Variants in WBP2 observed in about 807,000 individuals in gnomAD.
The protein encoded by WBP2 is WW domain binding protein 2.
A neutral mutation model predicts 33.0 loss-of-function variants in WBP2; 23 were observed. The observed-to-expected ratio is 0.70, with a 90% CI of 0.50 to 0.99. The LOEUF (loss-of-function observed/expected upper bound fraction) is 0.99. Among genes scored for constraint, WBP2 ranks in the 50% least tolerant of loss-of-function variants. WBP2 has a pLI of 0.00. For synonymous variants in WBP2, 153 were observed against 133.5 expected, an observed-to-expected ratio of 1.15 and a Z score of -1.01; for missense variants, 353 against 358.0, an observed-to-expected ratio of 0.99 and a Z score of 0.11.
In WBP2 at chr17:75,846,654, C is replaced by G; in HGVS notation, c.*80G>C. ...TGGAGGGAGAACAAGGCGCCCCCTCCCCTCCCCAAGCCCCAGCACAGCCCC... is the reference window on the plus strand; with the variant it reads ...TGGAGGGAGAACAAGGCGCCCCCTCGCCTCCCCAAGCCCCAGCACAGCCCC... On this transcript the variant is annotated 3_prime_UTR_variant, in exon 8 of 8. Coordinates refer to ENST00000254806, the MANE Select transcript of WBP2 (RefSeq NM_012478.4). This position sits in a 1 kb window ranked among gnomAD's most constrained non-coding sequence, Gnocchi z 4.8. 1 of 1,467,340 alleles carries G rather than the reference C, an allele frequency of 6.8e-7. No homozygotes were observed. 90.9% of individuals were successfully genotyped at this position (1,467,340 alleles called of 1,614,324 possible). A position where few individuals can be genotyped will look rare whatever the true frequency, so the allele number is the denominator to read the frequency against.
rs2065027477 is a variant in WBP2 at position 75,851,558 on chromosome 17, T to C, written c.168+10A>G. 2 of 1,605,350 alleles carry C rather than the reference T, an allele frequency of 1.2e-6. No homozygotes were observed. Among genetic ancestry groups the C allele is most frequent in the Non-Finnish European group, 1.7e-6 (2 of 1,172,328 alleles). ...AGCCTCTCAACCAACTGCCCTGCTG[T>C]GCAACTCACCCGGTAAGGGGTAAGG... is the stretch of plus-strand genomic sequence containing the variant. On this transcript the variant is annotated intron_variant, in intron 2 of 7. Coordinates refer to ENST00000254806, the MANE Select transcript of WBP2 (RefSeq NM_012478.4).
At position 75,846,483 on chromosome 17, in the gene WBP2, C is replaced by G. The variant is rs2064992272; in HGVS notation, c.*251G>C. The G allele has an allele frequency of 1.8e-6, 1 of 564,672 alleles. No homozygotes were observed. Among genetic ancestry groups the G allele is most frequent in the East Asian group, 3.1e-5 (1 of 32,166 alleles). 35.0% of individuals were successfully genotyped at this position (564,672 alleles called of 1,614,324 possible). On this transcript the variant is annotated 3_prime_UTR_variant, in exon 8 of 8. Coordinates refer to ENST00000254806, the MANE Select transcript of WBP2 (RefSeq NM_012478.4). This position sits in a 1 kb window ranked among gnomAD's most constrained non-coding sequence, Gnocchi z 4.8. ...AGGAACAGGGGATGCTCCGTGCTCC[C>G]AGAAGAGCCCCAGACGGTGAGGGAG...
In WBP2 at chr17:75,846,969, G is replaced by A. The variant is rs1555604549; in HGVS notation, c.671C>T (p.Ala224Val). 1 of 1,614,140 alleles carries A rather than the reference G, an allele frequency of 6.2e-7. No individual in the cohort carries two copies. Among genetic ancestry groups the A allele is most frequent in the Non-Finnish European group, 8.5e-7 (1 of 1,180,004 alleles). ...GTAATAGGCGCTGGCGGCTGCTTCTGCGGCCTTGGCTTCGGCTGTGAGAGC... is the reference window on the plus strand; with the variant it reads ...GTAATAGGCGCTGGCGGCTGCTTCTACGGCCTTGGCTTCGGCTGTGAGAGC... Reference protein sequence around the residue: ...PSTPAAEAKAAEAAASAYYNP... With the variant: ...PSTPAAEAKAVEAAASAYYNP... The change falls in exon 7 of 8, where the codon GCA becomes GTA. Residue 224 changes from alanine (A) to valine (V), a missense_variant. Coordinates refer to ENST00000254806, the MANE Select transcript of WBP2 (RefSeq NM_012478.4). The surrounding 1 kb of genome is among the most constrained non-coding windows in gnomAD (Gnocchi z 4.8).
At chr17:75,847,294 C>G (rs571737985) in intron 6 of WBP2, 193 bp downstream of exon 6, 1 of 928,300 alleles carries the variant, frequency 1.1e-6, no homozygotes, top group African/African-American at 1.7e-5. Flanking sequence ...ACATGGATAG[C>G]TAAGGGATGG....
intron 2 of WBP2, among the ~76,000 whole-genome samples, chr17:75,850,320 G>C (rs537301248): frequency 4.6e-4 from 69 of 150,618 alleles, no homozygotes; most frequent in Non-Finnish European, 8.7e-4. Context: ...ATCTTGGCTC[G>C]CTGCAAGCTC....
chr17:75,847,992 C>T (rs2065005611), intron 4 of WBP2, 62 bp from the exon 5 acceptor site: 39 of 1,547,498 alleles, frequency 2.5e-5, no homozygotes, highest in Non-Finnish European at 3.1e-5. Flanking sequence ...AGAGGGCAGC[C>T]CCGCTGCCTG....
rs2065006836 is a variant in WBP2 at position 75,848,198 on chromosome 17, C to T, written c.398-268G>A. The T allele has an allele frequency of 1.8e-5, 11 of 596,896 alleles. No homozygotes were observed. The East Asian group carries it at 3.1e-4, about 17-fold the overall frequency. 37.0% of individuals were successfully genotyped at this position (596,896 alleles called of 1,614,324 possible). ...CAGAGGCCGGGAGGGAGGCTCAGGG[C>T]TGGGGTAGGAGTGAGCTGGCGGAGG... is the stretch of plus-strand genomic sequence containing the variant. On this transcript the variant is annotated intron_variant, in intron 4 of 7. Transcript: ENST00000254806.
intron 4 of WBP2, 127 bp downstream of exon 4, chr17:75,848,443 G>C (rs932011381): frequency 2.5e-5 from 21 of 850,298 alleles, no homozygotes; most frequent in African/African-American, 1.5e-4. Context: ...CCTAGGCCTG[G>C]TCAGCCTGGT....
At chr17:75,848,438 G>T in intron 4 of WBP2, 132 bp downstream of exon 4, 2 of 799,436 alleles carry the variant, frequency 2.5e-6, no homozygotes, top group Non-Finnish European at 2.1e-6. Flanking sequence ...CAACTCCTAG[G>T]CCTGGTCAGC....
Position 75,846,003 on chromosome 17 carries a change from T to C in WBP2, c.*731A>G, listed in dbSNP as rs963371921. ...CCAGCAGCCACCAAGTGGACAGACATGCATTCTCTGGTTCCAGTCAGGAAG... is the reference window on the plus strand; with the variant it reads ...CCAGCAGCCACCAAGTGGACAGACACGCATTCTCTGGTTCCAGTCAGGAAG... On this transcript the variant is annotated 3_prime_UTR_variant, in exon 8 of 8. Transcript: ENST00000254806. This position sits in a 1 kb window ranked among gnomAD's most constrained non-coding sequence, Gnocchi z 4.8. 6.6e-6 allele frequency: 1 copy of C among 152,394 alleles called. No homozygotes were observed. The highest frequency in any genetic ancestry group is 1.5e-5 in the Non-Finnish European group (1 of 68,200). The allele number at this position is 152,394 out of a possible 1,614,324, so 9.4% of individuals were successfully genotyped here.
intron 4 of WBP2, chr17:75,848,307 C>T (rs1409457178): frequency 1.7e-6 from 1 of 589,654 alleles, no homozygotes; most frequent in Admixed American, 3.0e-5. Flanking sequence ...TTTTATGAGG[C>T]CATAGTAAAG....
In WBP2 at chr17:75,846,530, G is replaced by A. The variant is rs2064992575; in HGVS notation, c.*204C>T. 3 of 662,100 alleles carry A rather than the reference G, an allele frequency of 4.5e-6. No individual in the cohort carries two copies. The highest frequency in any genetic ancestry group is 5.5e-5 in the East Asian group (2 of 36,112). The allele number at this position is 662,100 out of a possible 1,614,324, so 41.0% of individuals were successfully genotyped here. A position where few individuals can be genotyped will look rare whatever the true frequency, so the allele number is the denominator to read the frequency against. On this transcript the variant is annotated 3_prime_UTR_variant, in exon 8 of 8. Transcript: ENST00000254806. This position sits in a 1 kb window ranked among gnomAD's most constrained non-coding sequence, Gnocchi z 4.8. ...GGAGGTACGCTGGGCAGCACTGTGG[G>A]CTCCGGGCTGGCATGGGAAGCTGGG...
intron 3 of WBP2, 135 bp from the exon 4 acceptor site, chr17:75,848,797 A>G: frequency 4.1e-6 from 3 of 739,888 alleles, no homozygotes; most frequent in Non-Finnish European, 6.9e-6. Flanking sequence ...TGTGATGGGG[A>G]CTTCCTGGTG....
chr17:75,853,464 G>A (rs1248551817), intron 1 of WBP2, among the ~76,000 whole-genome samples: 2 of 152,226 alleles, frequency 1.3e-5, no homozygotes, highest in Admixed American at 1.3e-4. Context: ...TTACTTAGCA[G>A]GACTGAGCCC....
intron 1 of WBP2, among the ~76,000 whole-genome samples, chr17:75,854,000 G>A (rs903074900): frequency 8.6e-5 from 12 of 139,264 alleles, no homozygotes; most frequent in African/African-American, 2.2e-4. Context: ...AGCTGAGATC[G>A]TGCCACTGCA....
intron 6 of WBP2, 77 bp from the exon 7 acceptor site, chr17:75,847,061 A>G (rs1433493745): frequency 1.5e-5 from 23 of 1,532,452 alleles, no homozygotes; most frequent in East Asian, 6.8e-5. Flanking sequence ...CCGGGCCCCC[A>G]TGGCTCGGGG....
chr17:75,849,532 C>T (rs983841759), intron 3 of WBP2, 72 bp downstream of exon 3: 16 of 1,578,592 alleles, frequency 1.0e-5, no homozygotes, highest in African/African-American at 1.3e-5. Flanking sequence ...GACGCCCCCA[C>T]GGCGGCAGTC....
intron 1 of WBP2, among the ~76,000 whole-genome samples, chr17:75,853,645 G>A (rs1222162035): frequency 1.3e-5 from 2 of 152,168 alleles, no homozygotes; most frequent in African/African-American, 2.4e-5. Context: ...AGGTGTCTCT[G>A]ATTACATGAT....
chr17:75,847,129 C>T (rs2143914962), intron 6 of WBP2, 145 bp from the exon 7 acceptor site: 10 of 870,906 alleles, frequency 1.1e-5, no homozygotes, highest in Non-Finnish European at 1.6e-5. Flanking sequence ...GTTTCCTGAG[C>T]ACATGCCACG....
Sources: gnomAD v4.1 joint callset for allele counts (sites outside exome capture counted in the v4.1 genomes callset) on GRCh38, gnomAD v4.1.1 for gene constraint, Gnocchi (gnomAD v3.1) non-coding constraint, MANE v1.5 for transcripts, NCBI Gene and HGNC (gene_info 2026-07-23, HGNC 2026-07-21) for gene names.